LRIF1: variants seen among roughly 807,000 people sequenced by gnomAD.
LRIF1 encodes the protein ligand-dependent nuclear receptor-interacting factor 1.
A neutral mutation model predicts 52.7 loss-of-function variants in LRIF1; 32 were observed. The observed-to-expected ratio is 0.61, with a 90% confidence interval of 0.46 to 0.82. The LOEUF (loss-of-function observed/expected upper bound fraction) is 0.82. LRIF1 is among the 40% of genes least tolerant of loss of function. LRIF1 has a pLI of 0.00. For missense variants in LRIF1, 887 were observed against 892.0 expected (o/e 0.99, Z 0.07); for synonymous variants, 323 against 317.4 (o/e 1.02, Z -0.19).
the LRIF1 span, chr1:110,896,655 G>T: frequency 2.5e-6 from 4 of 1,612,038 alleles, no homozygotes; most frequent in South Asian, 1.1e-5. Flanking sequence ...GCTTTTAGCT[G>T]CAGTGTTGTG....
the LRIF1 span, among the ~76,000 whole-genome samples, chr1:110,922,483 C>A: frequency 6.6e-6 from 1 of 152,198 alleles, no homozygotes; most frequent in African/African-American, 2.4e-5. Flanking sequence ...TTCAGATATT[C>A]TGTTATAGCA....
intron 2 of LRIF1, 109 bp from the exon 3 acceptor site, chr1:110,950,232 T>C (rs1241181052): frequency 1.5e-6 from 2 of 1,335,608 alleles, no homozygotes; most frequent in African/African-American, 1.5e-5. Context: ...TATCATGCTT[T>C]ATGATTGGTT....
At chr1:110,890,023 T>C in the LRIF1 span, among the ~76,000 whole-genome samples, 6 of 152,182 alleles carry the variant, frequency 3.9e-5, no homozygotes, top group Non-Finnish European at 5.9e-5. Flanking sequence ...ATTCACTTTA[T>C]TGTGGAAGAG....
chr1:110,880,466 T>C, the LRIF1 span: 1 of 152,132 alleles, frequency 6.6e-6, no homozygotes, highest in South Asian at 2.1e-4. Flanking sequence ...TGTGGGCACC[T>C]AGCCAGCTGG....
At chr1:110,899,505 C>T in the LRIF1 span, 1 of 241,878 alleles carries the variant, frequency 4.1e-6, no homozygotes, top group Non-Finnish European at 8.1e-6. Flanking sequence ...AAAGGGTGAA[C>T]CCAGGATATG....
the LRIF1 span, among the ~76,000 whole-genome samples, chr1:110,935,200 T>C: frequency 6.6e-5 from 10 of 152,128 alleles, no homozygotes; most frequent in Admixed American, 6.5e-4. Context: ...CTGAAAAACT[T>C]TCCCAAAAAG....
chr1:110,901,468 G>T, the LRIF1 span, among the ~76,000 whole-genome samples: 1 of 126,704 alleles, frequency 7.9e-6, no homozygotes, highest in Non-Finnish European at 1.7e-5. Flanking sequence ...GAGCCACCTC[G>T]CACCCGGCCT....
chr1:110,880,001 A>T, the LRIF1 span, among the ~76,000 whole-genome samples: 1 of 152,330 alleles, frequency 6.6e-6, no homozygotes, highest in South Asian at 2.1e-4. Context: ...CGCAGGTTCT[A>T]CCAGCTCAAG....
At chr1:110,957,985 T>A (rs545730461) in intron 1 of LRIF1, among the ~76,000 whole-genome samples, 1 of 152,342 alleles carries the variant, frequency 6.6e-6, no homozygotes, top group African/African-American at 2.4e-5. Context: ...ATCATTCTCA[T>A]CCCTACAGTA....
At chr1:110,892,481 C>T in the LRIF1 span, 1 of 1,614,116 alleles carries the variant, frequency 6.2e-7, no homozygotes, top group Non-Finnish European at 8.5e-7. Context: ...ATGGTAGTTG[C>T]CTTCCTGGGC....
chr1:110,891,762 T>G, the LRIF1 span, among the ~76,000 whole-genome samples: 62 of 152,346 alleles, frequency 4.1e-4, no homozygotes, highest in African/African-American at 1.5e-3. Context: ...AACCTGAGAC[T>G]GTGCTCTGGA....
the LRIF1 span, among the ~76,000 whole-genome samples, chr1:110,932,419 T>C: frequency 1.3e-5 from 2 of 152,206 alleles, no homozygotes; most frequent in African/African-American, 4.8e-5. Flanking sequence ...GGTAGCGTGA[T>C]GCCTCCAGCT....
chr1:110,902,598 C>T, the LRIF1 span, among the ~76,000 whole-genome samples: 1 of 150,250 alleles, frequency 6.7e-6, no homozygotes, highest in African/African-American at 2.5e-5. Context: ...ACAGTGATCT[C>T]GGAACGTCTG....
At chr1:110,952,929 A>C (rs1658545604) in intron 1 of LRIF1, 114 bp from the exon 2 acceptor site, 2 of 613,732 alleles carry the variant, frequency 3.3e-6, no homozygotes, top group East Asian at 8.5e-5. Context: ...ATAATTTTCC[A>C]TTTTGAGTTT....
In LRIF1 at chr1:110,952,379, T is replaced by C; in HGVS notation, c.505A>G (p.Ser169Gly). 3 of 1,614,056 alleles carry C rather than the reference T, an allele frequency of 1.9e-6. No homozygotes were observed. Among genetic ancestry groups the C allele is most frequent in the Non-Finnish European group, 2.5e-6 (3 of 1,179,914 alleles). ...GGAGACTTCACAGTCACTGGAAGAC[T>C]CTGGGTATTAACTACAATAAAAGAT... ...DSSFIVVNTQ[S>G]LPVTVKSPVL... Residue 169 changes from serine (S) to glycine (G), a missense_variant, in exon 2 of 4, where the codon AGT becomes GGT. By Grantham distance (56) the Ser-to-Gly change is moderately conservative. Transcript: ENST00000369763.
chr1:110,890,861 A>C, the LRIF1 span, among the ~76,000 whole-genome samples: 6 of 152,370 alleles, frequency 3.9e-5, no homozygotes, highest in African/African-American at 1.4e-4. Flanking sequence ...CAGAAAACAT[A>C]AATGTTTCTG....
At chr1:110,938,229 T>C in the LRIF1 span, 1 of 152,138 alleles carries the variant, frequency 6.6e-6, no homozygotes, top group Non-Finnish European at 1.5e-5. Flanking sequence ...ATTTCCCTGA[T>C]ACCAAAACCA....
the LRIF1 span, chr1:110,937,336 C>T: frequency 1.3e-5 from 2 of 152,042 alleles, no homozygotes; most frequent in East Asian, 3.9e-4. Flanking sequence ...GGTAACAAAA[C>T]GAGTCTTAAA....
At chr1:110,894,466 T>C in the LRIF1 span, 2 of 1,239,836 alleles carry the variant, frequency 1.6e-6, no homozygotes, top group African/African-American at 3.0e-5. Flanking sequence ...AGTGGAGAAG[T>C]TGGTACAAAG....
Sources: allele counts gnomAD v4.1 joint callset (sites outside exome capture counted in the v4.1 genomes callset), GRCh38; gene constraint gnomAD v4.1.1; transcripts MANE v1.5; gene names NCBI Gene and HGNC (gene_info 2026-07-23, HGNC 2026-07-21).